CSNK1G2: variants seen among roughly 807,000 people sequenced by gnomAD.
CSNK1G2 encodes the protein casein kinase I isoform gamma-2.
CSNK1G2 carries 11 observed loss-of-function variants against 48.0 expected under a neutral mutation model. That is an observed-to-expected ratio of 0.23 (90% CI 0.14 to 0.38). CSNK1G2 has a LOEUF of 0.38. CSNK1G2 is among the 10% of genes least tolerant of loss of function. The pLI is 1.00. For missense variants in CSNK1G2, 446 were observed against 595.5 expected (o/e 0.75, Z 2.61); for synonymous variants, 337 against 254.1 (o/e 1.33, Z -3.10).
chr19:1,966,090 C>T (rs2015357328), intron 1 of CSNK1G2, among the ~76,000 whole-genome samples: 2 of 152,236 alleles, frequency 1.3e-5, no homozygotes, highest in Non-Finnish European at 1.5e-5. Context: ...GGAGCCACCG[C>T]AGCCGCCCAT....
chr19:1,946,071 C>A (rs148443903), intron 1 of CSNK1G2, among the ~76,000 whole-genome samples: 1 of 152,000 alleles, frequency 6.6e-6, no homozygotes, highest in Non-Finnish European at 1.5e-5. Context: ...CGTATGTTCC[C>A]GGGAGAGGTG....
chr19:1,950,421 G>A (rs1599286032), intron 1 of CSNK1G2, among the ~76,000 whole-genome samples: 1 of 147,298 alleles, frequency 6.8e-6, no homozygotes, highest in Middle Eastern at 3.4e-3. Context: ...TTACAGGCGT[G>A]AGCCACCGCG....
At chr19:1,955,095 C>A (rs1466743932) in intron 1 of CSNK1G2, among the ~76,000 whole-genome samples, 2 of 152,194 alleles carry the variant, frequency 1.3e-5, no homozygotes, top group African/African-American at 4.8e-5. Flanking sequence ...CCAGAAGAGG[C>A]CGGGCTCTTC....
At chr19:1,964,719 G>GT (rs1248740605) in intron 1 of CSNK1G2, among the ~76,000 whole-genome samples, 11 of 129,014 alleles carry the variant, frequency 8.5e-5, no homozygotes, top group Admixed American at 6.4e-4. Context: ...TCAGAAAAAA[G>GT]TTTTTGTTTT....
chr19:1,979,741 C>T lies in CSNK1G2; in HGVS notation c.1003-11C>T, dbSNP rs1219626903. Reference sequence around the variant, plus strand: ...TGCAGCCCATCCTGACCCCTGCTCCCTCACCCACAGCCGACCCCCATCGGC... The same window carrying T: ...TGCAGCCCATCCTGACCCCTGCTCCTTCACCCACAGCCGACCCCCATCGGC... On this transcript the variant is annotated splice_polypyrimidine_tract_variant and intron_variant, in intron 9 of 11. Coordinates refer to ENST00000255641, the MANE Select transcript of CSNK1G2 (RefSeq NM_001319.7). The T allele has an allele frequency of 6.2e-7, 1 of 1,605,272 alleles. No individual in the cohort carries two copies. Among genetic ancestry groups the T allele is most frequent in the Non-Finnish European group, 8.5e-7 (1 of 1,179,536 alleles).
chr19:1,963,721 T>G (rs974679043), intron 1 of CSNK1G2, among the ~76,000 whole-genome samples: 4 of 151,866 alleles, frequency 2.6e-5, no homozygotes, highest in African/African-American at 9.7e-5. Context: ...TTGGCCGTGC[T>G]GGTCTTGAAC....
At chr19:1,962,955 T>C (rs1281682652) in intron 1 of CSNK1G2, among the ~76,000 whole-genome samples, 1 of 152,020 alleles carries the variant, frequency 6.6e-6, no homozygotes, top group Admixed American at 6.6e-5. Flanking sequence ...GGAGGCGTAG[T>C]GTGGCCCTCC....
chr19:1,948,266 G>A (rs1452931301), intron 1 of CSNK1G2, among the ~76,000 whole-genome samples: 2 of 152,218 alleles, frequency 1.3e-5, no homozygotes, highest in Non-Finnish European at 1.5e-5. Flanking sequence ...GCTCACGCCT[G>A]TAATCCCAGC....
At chr19:1,955,140 G>A (rs924845150) in intron 1 of CSNK1G2, among the ~76,000 whole-genome samples, 2 of 152,158 alleles carry the variant, frequency 1.3e-5, no homozygotes, top group Non-Finnish European at 2.9e-5. Flanking sequence ...GGCCCTGACC[G>A]AGTGGTGACC....
In CSNK1G2 at chr19:1,978,534, G is replaced by C. The variant is rs774113662; in HGVS notation, c.298+23G>C. 3.8e-6 allele frequency: 6 copies of C among 1,569,384 alleles called. No homozygotes were observed. Among genetic ancestry groups the C allele is most frequent in the Non-Finnish European group, 5.2e-6 (6 of 1,158,204 alleles). ...CAGGTACCGGGCGGCCCGCGGGTGG[G>C]GCGGGGGCTGCGCAGGGGCAGGGAG... On this transcript the variant is annotated intron_variant, in intron 4 of 11. Transcript: ENST00000255641. The surrounding 1 kb of genome is among the most constrained non-coding windows in gnomAD (Gnocchi z 7.3).
chr19:1,971,771 T>TA, intron 2 of CSNK1G2, among the ~76,000 whole-genome samples: 1 of 147,936 alleles, frequency 6.8e-6, no homozygotes, highest in Admixed American at 6.7e-5. Context: ...GCCAGCTTTT[T>TA]TTTTTTTTTT....
chr19:1,961,143 A>G (rs1046317883), intron 1 of CSNK1G2, among the ~76,000 whole-genome samples: 3 of 152,212 alleles, frequency 2.0e-5, no homozygotes, highest in Non-Finnish European at 4.4e-5. Flanking sequence ...AGACGGATGG[A>G]CGGGCTGTGA....
At chr19:1,955,349 C>T (rs549817392) in intron 1 of CSNK1G2, among the ~76,000 whole-genome samples, 4 of 152,292 alleles carry the variant, frequency 2.6e-5, no homozygotes, top group African/African-American at 4.8e-5. Context: ...CGGTGACTCT[C>T]GGGGCCACTC....
intron 2 of CSNK1G2, chr19:1,975,888 TAGCC>T: frequency 4.4e-6 from 3 of 688,994 alleles, no homozygotes; most frequent in Non-Finnish European, 5.4e-6. Flanking sequence ...ATACAAAAAT[TAGCC>T]AGGTTGATGG....
chr19:1,958,162 C>G (rs901474601), intron 1 of CSNK1G2, among the ~76,000 whole-genome samples: 5 of 151,878 alleles, frequency 3.3e-5, no homozygotes, highest in Non-Finnish European at 5.9e-5. Flanking sequence ...GCCTGCTCTG[C>G]CTGGAATTGA....
At position 1,961,004 on chromosome 19, in the gene CSNK1G2, G is replaced by C. The variant is rs527518066; in HGVS notation, c.-265-8504G>C. ...CTGGTGGCTCATCCAGGTGTGGGCC[G>C]GTGTGCGGCGGGGCGTGGGCAGAGG... On this transcript the variant is annotated intron_variant, in intron 1 of 11. Coordinates refer to ENST00000255641, the MANE Select transcript of CSNK1G2 (RefSeq NM_001319.7). Among the ~76,000 whole-genome samples the C allele has an allele frequency of 6.0e-4, 92 of 152,350 alleles. 1 individual carries two copies. Among genetic ancestry groups the C allele is most frequent in the Admixed American group, 2.5e-3 (39 of 15,308 alleles).
At chr19:1,946,241 A>G (rs1324941039) in intron 1 of CSNK1G2, among the ~76,000 whole-genome samples, 1 of 140,138 alleles carries the variant, frequency 7.1e-6, no homozygotes, top group South Asian at 2.4e-4. Context: ...GTCACGGGCC[A>G]GGGCTGGCCC....
chr19:1,978,538 G>A lies in CSNK1G2; in HGVS notation c.298+27G>A, dbSNP rs1370587484. 1 of 1,569,132 alleles carries A rather than the reference G, an allele frequency of 6.4e-7. No individual in the cohort carries two copies. The highest frequency in any genetic ancestry group is 8.6e-7 in the Non-Finnish European group (1 of 1,157,986). The stretch of plus-strand genomic sequence containing the variant: ...TACCGGGCGGCCCGCGGGTGGGGCG[G>A]GGGCTGCGCAGGGGCAGGGAGGGGG... On this transcript the variant is annotated intron_variant, in intron 4 of 11. Transcript: ENST00000255641. This position sits in a 1 kb window ranked among gnomAD's most constrained non-coding sequence, Gnocchi z 7.3.
chr19:1,974,135 ACCTG>A (rs1224025564), intron 2 of CSNK1G2, among the ~76,000 whole-genome samples: 1 of 151,874 alleles, frequency 6.6e-6, no homozygotes, highest in Non-Finnish European at 1.5e-5. Context: ...CTCGTGATCT[ACCTG>A]CCTCAGCCTC....
Sources: allele counts gnomAD v4.1 joint callset (sites outside exome capture counted in the v4.1 genomes callset), GRCh38; gene constraint gnomAD v4.1.1; non-coding constraint Gnocchi (gnomAD v3.1); transcripts MANE v1.5; gene names NCBI Gene and HGNC (gene_info 2026-07-23, HGNC 2026-07-21).